The following PPARGC1A variants were observed in gnomAD, a reference collection of about 807,000 sequenced individuals.
PPARGC1A encodes PPARG coactivator 1 alpha, also known as peroxisome proliferator-activated receptor gamma coactivator 1-alpha.
PPARGC1A carries 25 observed loss-of-function variants against 88.7 expected under a neutral mutation model. The ratio of observed to expected loss-of-function variants is 0.28; its 90% CI spans 0.21 to 0.39. The LOEUF (loss-of-function observed/expected upper bound fraction) is 0.39. Ranked by LOEUF, PPARGC1A falls within the 10% of genes least tolerant of loss-of-function variation. The probability of loss-of-function intolerance (pLI) is 1.00; values close to 1 mark genes in which losing one functional copy is unlikely to be tolerated. For missense variants in PPARGC1A, 880 were observed against 968.7 expected (o/e 0.91, Z 1.22); for synonymous variants, 363 against 355.6 (o/e 1.02, Z -0.24).
the PPARGC1A span, among the ~76,000 whole-genome samples, chr4:24,339,237 T>TATATACAC: frequency 9.6e-6 from 1 of 104,266 alleles, no homozygotes; most frequent in East Asian, 2.9e-4. Context: ...TATATATATA[T>TATATACAC]ACACACACAC....
chr4:24,399,640 G>A, the PPARGC1A span, among the ~76,000 whole-genome samples: 1 of 151,972 alleles, frequency 6.6e-6, no homozygotes, highest in South Asian at 2.1e-4. Context: ...GAACATTGTA[G>A]GTTTTTATTA....
At chr4:24,374,069 T>C in the PPARGC1A span, among the ~76,000 whole-genome samples, 1 of 152,258 alleles carries the variant, frequency 6.6e-6, no homozygotes, top group Non-Finnish European at 1.5e-5. Flanking sequence ...CAGGATGTCA[T>C]AGATTTCTAA....
chr4:24,363,629 A>G, the PPARGC1A span, among the ~76,000 whole-genome samples: 1 of 152,200 alleles, frequency 6.6e-6, no homozygotes, highest in Non-Finnish European at 1.5e-5. Flanking sequence ...TCTGCCTACT[A>G]CAGGAATGTT....
the PPARGC1A span, among the ~76,000 whole-genome samples, chr4:24,033,822 G>A: frequency 6.6e-6 from 1 of 152,228 alleles, no homozygotes; most frequent in African/African-American, 2.4e-5. Flanking sequence ...ATGGCTGGAA[G>A]AGAGGCGGGC....
intron 2 of PPARGC1A, among the ~76,000 whole-genome samples, chr4:23,847,388 C>T (rs374622304): frequency 6.6e-6 from 1 of 152,194 alleles, no homozygotes; most frequent in Non-Finnish European, 1.5e-5. Flanking sequence ...TCACAGTTCT[C>T]TCCTCCATTA....
chr4:23,834,998 T>C (rs1457952821), intron 2 of PPARGC1A, among the ~76,000 whole-genome samples: 1 of 152,156 alleles, frequency 6.6e-6, no homozygotes, highest in South Asian at 2.1e-4. Flanking sequence ...TATACACACT[T>C]TCAGTAAATT....
chr4:24,255,367 A>G, the PPARGC1A span, among the ~76,000 whole-genome samples: 1 of 152,218 alleles, frequency 6.6e-6, no homozygotes, highest in African/African-American at 2.4e-5. Flanking sequence ...TAAACATTCC[A>G]TACATTTTCT....
the PPARGC1A span, among the ~76,000 whole-genome samples, chr4:24,387,766 G>A: frequency 0.2 from 10,197 of 50,044 alleles, 1,111 homozygotes; most frequent in Middle Eastern, 0.27. Flanking sequence ...GAGAGAGAGA[G>A]AGAAAGAAAG....
chr4:24,372,294 C>T, the PPARGC1A span, among the ~76,000 whole-genome samples: 2 of 152,178 alleles, frequency 1.3e-5, no homozygotes, highest in Non-Finnish European at 2.9e-5. Flanking sequence ...GTTGGTTCCA[C>T]GTAAGAATCA....
chr4:24,281,308 G>C, the PPARGC1A span, among the ~76,000 whole-genome samples: 1 of 152,334 alleles, frequency 6.6e-6, no homozygotes, highest in African/African-American at 2.4e-5. Flanking sequence ...TCAGCAGACT[G>C]TACAGGAAGC....
the PPARGC1A span, among the ~76,000 whole-genome samples, chr4:24,357,437 T>G: frequency 2.0e-5 from 3 of 152,256 alleles, no homozygotes; most frequent in African/African-American, 7.2e-5. Context: ...AGCATTCAAG[T>G]AATACATTGG....
the PPARGC1A span, among the ~76,000 whole-genome samples, chr4:24,130,040 C>T: frequency 6.6e-6 from 1 of 152,020 alleles, no homozygotes; most frequent in Non-Finnish European, 1.5e-5. Context: ...GGAGATATAC[C>T]TAATGTTAAA....
chr4:24,423,652 C>T, the PPARGC1A span, among the ~76,000 whole-genome samples: 1 of 152,100 alleles, frequency 6.6e-6, no homozygotes, highest in Non-Finnish European at 1.5e-5. Context: ...TATCATCTGC[C>T]TAATGCTACT....
chr4:23,859,578 G>C (rs765812361), intron 2 of PPARGC1A, among the ~76,000 whole-genome samples: 13 of 152,076 alleles, frequency 8.5e-5, no homozygotes, highest in Middle Eastern at 3.4e-3. Flanking sequence ...TCAGGAGATC[G>C]AGACCATCCT....
chr4:24,226,369 C>A, the PPARGC1A span, among the ~76,000 whole-genome samples: 21 of 152,280 alleles, frequency 1.4e-4, no homozygotes, highest in Non-Finnish European at 2.4e-4. Context: ...TCAGGTCCTT[C>A]TTCTGCACTC....
chr4:23,813,636 T>C, intron 8 of PPARGC1A, 54 bp downstream of exon 8: 1 of 1,411,656 alleles, frequency 7.1e-7, no homozygotes, highest in Non-Finnish European at 9.6e-7. Flanking sequence ...TTTTATTTTA[T>C]TTTTTACTTC....
the PPARGC1A span, among the ~76,000 whole-genome samples, chr4:24,302,908 C>T: frequency 6.6e-6 from 1 of 152,328 alleles, no homozygotes; most frequent in Admixed American, 6.5e-5. Flanking sequence ...AATGAACATT[C>T]TTTCCCATTG....
chr4:23,855,087 T>A (rs895355419), intron 2 of PPARGC1A, among the ~76,000 whole-genome samples: 7 of 152,184 alleles, frequency 4.6e-5, no homozygotes, highest in African/African-American at 1.7e-4. Context: ...TCGATGGTTT[T>A]ATAAGGGGAA....
the PPARGC1A span, among the ~76,000 whole-genome samples, chr4:24,050,177 T>G: frequency 6.6e-6 from 1 of 150,454 alleles, no homozygotes; most frequent in Non-Finnish European, 1.5e-5. Context: ...ATTCCTTTAT[T>G]TAGTCCCTTA....
Sources: gnomAD v4.1 joint callset for allele counts (sites outside exome capture counted in the v4.1 genomes callset) on GRCh38, gnomAD v4.1.1 for gene constraint, MANE v1.5 for transcripts, NCBI Gene and HGNC (gene_info 2026-07-23, HGNC 2026-07-21) for gene names.